ERC2: variants seen among roughly 807,000 people sequenced by gnomAD.
The protein encoded by ERC2 is ERC protein 2.
A neutral mutation model predicts 114.8 loss-of-function variants in ERC2; 42 were observed. The observed-to-expected ratio is 0.37, with a 90% CI of 0.29 to 0.47. The LOEUF is 0.47. ERC2 is among the 20% of genes least tolerant of loss of function. The probability of loss-of-function intolerance (pLI) is 0.99; values close to 1 mark genes in which losing one functional copy is unlikely to be tolerated. For synonymous variants in ERC2, 454 were observed against 425.5 expected (o/e 1.07, Z -0.82); for missense variants, 939 against 1,150.7 (o/e 0.82, Z 2.66).
Position 56,114,558 on chromosome 3 carries a change from T to C in ERC2, c.1473+24951A>G, listed in dbSNP as rs564096643. ...CCAAGAGGGGGTTCCATTCAGTGAG[T>C]AGGGGGATTAGGATTTTATTTTTCT... On this transcript the variant is annotated intron_variant, in intron 6 of 17. Coordinates refer to ENST00000288221, the MANE Select transcript of ERC2 (RefSeq NM_015576.3). Among the ~76,000 whole-genome samples, 3 of 152,124 alleles carry C rather than the reference T, an allele frequency of 2.0e-5. No homozygotes were observed. The South Asian group carries it at 6.2e-4, about 32-fold the overall frequency.
chr3:56,388,979 T>G (rs1218127154), intron 2 of ERC2, among the ~76,000 whole-genome samples: 1 of 152,168 alleles, frequency 6.6e-6, no homozygotes, highest in East Asian at 1.9e-4. Context: ...GAGAAATTTA[T>G]GAAAATTATG....
intron 17 of ERC2, among the ~76,000 whole-genome samples, chr3:55,573,469 G>T (rs2056825272): frequency 6.6e-6 from 1 of 152,094 alleles, no homozygotes; most frequent in Non-Finnish European, 1.5e-5. Context: ...CAACAGATGC[G>T]AGGGGGGCCA....
At chr3:56,214,237 A>C (rs534069364) in intron 3 of ERC2, among the ~76,000 whole-genome samples, 1 of 152,298 alleles carries the variant, frequency 6.6e-6, no homozygotes, top group African/African-American at 2.4e-5. Flanking sequence ...AGAAGTTAAA[A>C]ACCTTGAAAA....
At chr3:55,514,651 T>C (rs984091637) in intron 17 of ERC2, among the ~76,000 whole-genome samples, 2 of 152,086 alleles carry the variant, frequency 1.3e-5, no homozygotes, top group Admixed American at 6.6e-5. Flanking sequence ...GTCACCCAGG[T>C]GACTGTCAGC....
intron 3 of ERC2, among the ~76,000 whole-genome samples, chr3:56,200,343 CA>C (rs1385689633): frequency 3.2e-5 from 3 of 94,504 alleles, no homozygotes; most frequent in African/African-American, 1.1e-4. Flanking sequence ...CTCAAATACT[CA>C]GGGGAAAAAA....
chr3:55,650,144 A>T (rs1280951262), intron 17 of ERC2, among the ~76,000 whole-genome samples: 1 of 152,216 alleles, frequency 6.6e-6, no homozygotes, highest in African/African-American at 2.4e-5. Flanking sequence ...ATTCAGGTTG[A>T]CTACTTGGCA....
At chr3:55,824,286 T>G (rs2060242787) in intron 14 of ERC2, among the ~76,000 whole-genome samples, 1 of 152,210 alleles carries the variant, frequency 6.6e-6, no homozygotes, top group South Asian at 2.1e-4. Context: ...TTCTACCATC[T>G]GGATATCAAC....
intron 7 of ERC2, among the ~76,000 whole-genome samples, chr3:56,064,725 C>T (rs902893501): frequency 2.0e-5 from 3 of 152,134 alleles, no homozygotes; most frequent in Admixed American, 6.6e-5. Context: ...CTCAAACTTG[C>T]CATGAAGGTT....
chr3:56,053,739 A>T (rs932526049), intron 7 of ERC2, among the ~76,000 whole-genome samples: 2 of 152,076 alleles, frequency 1.3e-5, no homozygotes, highest in African/African-American at 2.4e-5. Context: ...CATGTGTACT[A>T]TGAAAATTAT....
Position 56,080,995 on chromosome 3 carries a change from G to C in ERC2, c.1474-11C>G. 1 of 1,608,514 alleles carries C rather than the reference G, an allele frequency of 6.2e-7. No homozygotes were observed. Among genetic ancestry groups the C allele is most frequent in the East Asian group, 2.2e-5 (1 of 44,768 alleles). ...TCTCAGCGCATCTACCTGAAATCAG[G>C]AAAAAGACAGAAGGTTGTGGTTTTA... On this transcript the variant is annotated splice_polypyrimidine_tract_variant and intron_variant, in intron 6 of 17. Coordinates refer to ENST00000288221, the MANE Select transcript of ERC2 (RefSeq NM_015576.3).
intron 2 of ERC2, among the ~76,000 whole-genome samples, chr3:56,327,289 G>A (rs574897823): frequency 6.6e-6 from 1 of 152,322 alleles, no homozygotes; most frequent in South Asian, 2.1e-4. Context: ...GCAGCAGGAA[G>A]GAGAATTAAT....
At chr3:56,405,518 T>A (rs977153787) in intron 2 of ERC2, among the ~76,000 whole-genome samples, 2 of 152,068 alleles carry the variant, frequency 1.3e-5, no homozygotes, top group African/African-American at 4.8e-5. Flanking sequence ...GCCTGTCTAT[T>A]ATTAGGGTTG....
intron 10 of ERC2, among the ~76,000 whole-genome samples, chr3:55,996,980 G>T (rs1222040880): frequency 6.6e-6 from 1 of 152,142 alleles, no homozygotes; most frequent in Non-Finnish European, 1.5e-5. Flanking sequence ...CTAAAGACTG[G>T]TCATTGATTA....
chr3:55,795,603 G>A (rs1442254378), intron 14 of ERC2, among the ~76,000 whole-genome samples: 1 of 152,062 alleles, frequency 6.6e-6, no homozygotes. Flanking sequence ...TTTCACTCCC[G>A]ACAGGTCTCC....
chr3:56,212,778 TATATAC>T (rs1202881328), intron 3 of ERC2, among the ~76,000 whole-genome samples: 5 of 140,166 alleles, frequency 3.6e-5, no homozygotes, highest in Admixed American at 7.4e-5. Context: ...CAAAATATGG[TATATAC>T]ATATACATAT....
At chr3:55,631,129 C>A (rs2059740424) in intron 17 of ERC2, among the ~76,000 whole-genome samples, 1 of 151,964 alleles carries the variant, frequency 6.6e-6, no homozygotes, top group Admixed American at 6.6e-5. Flanking sequence ...AGGGGACACA[C>A]ACCACATTGC....
At chr3:56,236,734 GAACT>G (rs754451677) in intron 3 of ERC2, among the ~76,000 whole-genome samples, 17 of 152,274 alleles carry the variant, frequency 1.1e-4, no homozygotes, top group Non-Finnish European at 2.4e-4. Flanking sequence ...TACTTCCATA[GAACT>G]AACATCTACT....
chr3:55,618,951 A>C (rs2059226455), intron 17 of ERC2, among the ~76,000 whole-genome samples: 1 of 152,196 alleles, frequency 6.6e-6, no homozygotes, highest in Non-Finnish European at 1.5e-5. Flanking sequence ...GTCTTGCCTT[A>C]TCAGCACATA....
intron 10 of ERC2, among the ~76,000 whole-genome samples, chr3:55,993,999 T>A (rs940280351): frequency 6.6e-6 from 1 of 152,180 alleles, no homozygotes; most frequent in African/African-American, 2.4e-5. Context: ...ATATACCTGC[T>A]TCTATTTGTG....
Sources: allele counts gnomAD v4.1 joint callset (sites outside exome capture counted in the v4.1 genomes callset), GRCh38; gene constraint gnomAD v4.1.1; transcripts MANE v1.5; gene names NCBI Gene and HGNC (gene_info 2026-07-23, HGNC 2026-07-21).